PRKN: variants seen among roughly 807,000 people sequenced by gnomAD.
PRKN encodes E3 ubiquitin-protein ligase parkin.
PRKN carries 56 observed loss-of-function variants against 59.5 expected under a neutral mutation model. That is an observed-to-expected ratio of 0.94 (90% CI 0.76 to 1.18). The LOEUF (loss-of-function observed/expected upper bound fraction) is 1.18. Ranked by LOEUF, PRKN falls within the 50% of genes most tolerant of loss-of-function variation. The probability of loss-of-function intolerance (pLI) is 0.00; values close to 1 mark genes in which losing one functional copy is unlikely to be tolerated. For synonymous variants in PRKN, 250 were observed against 222.1 expected (o/e 1.13, Z -1.12); for missense variants, 657 against 596.4 (o/e 1.10, Z -1.06).
intron 6 of PRKN, among the ~76,000 whole-genome samples, chr6:161,944,286 G>A (rs1037360142): frequency 6.6e-6 from 1 of 152,198 alleles, no homozygotes; most frequent in African/African-American, 2.4e-5. Context: ...GGGGGCTTAA[G>A]GAATGTGATA....
chr6:161,885,268 G>A (rs1016993890), intron 6 of PRKN, among the ~76,000 whole-genome samples: 2 of 152,104 alleles, frequency 1.3e-5, no homozygotes, highest in African/African-American at 4.8e-5. Context: ...GTGAACATCA[G>A]CGTATGGGAA....
At chr6:162,230,852 C>T (rs566189981) in intron 3 of PRKN, among the ~76,000 whole-genome samples, 1 of 152,324 alleles carries the variant, frequency 6.6e-6, no homozygotes, top group South Asian at 2.1e-4. Context: ...TATAAAAATT[C>T]TATGCATGCC....
intron 5 of PRKN, among the ~76,000 whole-genome samples, chr6:161,979,810 A>T (rs1781193818): frequency 6.6e-6 from 1 of 152,196 alleles, no homozygotes; most frequent in Admixed American, 6.5e-5. Flanking sequence ...GAGCAGGAAG[A>T]TGTCAACTGG....
At chr6:162,217,076 C>T (rs922669736) in intron 3 of PRKN, among the ~76,000 whole-genome samples, 2 of 152,112 alleles carry the variant, frequency 1.3e-5, no homozygotes, top group Non-Finnish European at 2.9e-5. Context: ...AATGTATATG[C>T]TCAACTAATG....
chr6:162,539,206 A>G (rs1269034163), intron 1 of PRKN, among the ~76,000 whole-genome samples: 1 of 152,148 alleles, frequency 6.6e-6, no homozygotes, highest in East Asian at 1.9e-4. Flanking sequence ...AATTAACGAG[A>G]ATGAATGTAT....
chr6:162,247,541 G>T (rs1055705321), intron 3 of PRKN, among the ~76,000 whole-genome samples: 32 of 152,050 alleles, frequency 2.1e-4, no homozygotes, highest in Admixed American at 2.1e-3. Context: ...ATAAATTAAG[G>T]GGGAAAATGA....
intron 6 of PRKN, among the ~76,000 whole-genome samples, chr6:161,838,905 G>A (rs1163537402): frequency 1.3e-5 from 2 of 152,182 alleles, no homozygotes; most frequent in Non-Finnish European, 2.9e-5. Context: ...TGTAACTAGA[G>A]CTCAGGGAGT....
chr6:162,714,754 A>G (rs929178674), intron 1 of PRKN, among the ~76,000 whole-genome samples: 5 of 152,218 alleles, frequency 3.3e-5, no homozygotes, highest in African/African-American at 7.2e-5. Flanking sequence ...ACAGACCCCA[A>G]TGAAGCAAAA....
chr6:162,650,329 G>A (rs1435097976), intron 1 of PRKN, among the ~76,000 whole-genome samples: 1 of 151,944 alleles, frequency 6.6e-6, no homozygotes, highest in East Asian at 1.9e-4. Flanking sequence ...CGGGCGCGGT[G>A]GCTCACGCCT....
At chr6:162,042,980 G>GA (rs2128282462) in intron 5 of PRKN, among the ~76,000 whole-genome samples, 1 of 152,256 alleles carries the variant, frequency 6.6e-6, no homozygotes, top group South Asian at 2.1e-4. Flanking sequence ...AAAACAGGAA[G>GA]AAAAAGAGGC....
intron 6 of PRKN, among the ~76,000 whole-genome samples, chr6:161,966,054 C>G (rs1004966275): frequency 6.6e-6 from 1 of 151,978 alleles, no homozygotes; most frequent in African/African-American, 2.4e-5. Context: ...TTTTCCCCCA[C>G]AAAGGACAGC....
At chr6:161,724,048 A>T (rs1293477548) in intron 7 of PRKN, among the ~76,000 whole-genome samples, 1 of 152,188 alleles carries the variant, frequency 6.6e-6, no homozygotes, top group Non-Finnish European at 1.5e-5. Context: ...ATGTTTCAGC[A>T]ACATTTCTCC....
chr6:162,538,434 A>G (rs2128199025), intron 1 of PRKN, among the ~76,000 whole-genome samples: 1 of 152,140 alleles, frequency 6.6e-6, no homozygotes, highest in Non-Finnish European at 1.5e-5. Flanking sequence ...GAAAAGAAGT[A>G]TCTAAATACC....
chr6:162,409,806 T>G (rs967321703), intron 2 of PRKN, among the ~76,000 whole-genome samples: 1 of 152,178 alleles, frequency 6.6e-6, no homozygotes, highest in African/African-American at 2.4e-5. Flanking sequence ...AGAAGATAAT[T>G]CAAAGACGAA....
At chr6:162,372,556 T>C (rs1490325706) in intron 2 of PRKN, among the ~76,000 whole-genome samples, 1 of 152,034 alleles carries the variant, frequency 6.6e-6, no homozygotes, top group East Asian at 1.9e-4. Flanking sequence ...TGGGGACTAC[T>C]AGAGAGGGGA....
chr6:162,424,604 T>C (rs1378263362), intron 2 of PRKN, among the ~76,000 whole-genome samples: 2 of 151,762 alleles, frequency 1.3e-5, no homozygotes, highest in Non-Finnish European at 2.9e-5. Context: ...GGTGTGGTCA[T>C]GGGGGCCTGT....
intron 6 of PRKN, among the ~76,000 whole-genome samples, chr6:161,874,816 G>A (rs188742424): frequency 9.3e-4 from 87 of 93,490 alleles, no homozygotes; most frequent in African/African-American, 3.7e-3. Context: ...TATATAAAAT[G>A]TATAATATAT....
At chr6:162,482,878 C>T (rs1325044177) in intron 1 of PRKN, among the ~76,000 whole-genome samples, 1 of 152,060 alleles carries the variant, frequency 6.6e-6, no homozygotes, top group Non-Finnish European at 1.5e-5. Context: ...TACCTAATAC[C>T]AAACTGACGC....
intron 4 of PRKN, among the ~76,000 whole-genome samples, chr6:162,109,902 A>G (rs1780349514): frequency 6.6e-6 from 1 of 152,212 alleles, no homozygotes; most frequent in African/African-American, 2.4e-5. Flanking sequence ...CCAAGCTTAA[A>G]TTAGTCATTG....
Sources: allele counts gnomAD v4.1 joint callset (sites outside exome capture counted in the v4.1 genomes callset), GRCh38; gene constraint gnomAD v4.1.1; transcripts MANE v1.5; gene names NCBI Gene and HGNC (gene_info 2026-07-23, HGNC 2026-07-21).